The following EFCAB6 variants were observed in gnomAD, a reference collection of about 807,000 sequenced individuals.
EFCAB6 encodes the protein EF-hand calcium binding domain 6.
Under a neutral mutation model 169.8 loss-of-function variants are expected in EFCAB6, and 156 were observed. The ratio of observed to expected loss-of-function variants is 0.92; its 90% CI spans 0.81 to 1.05. EFCAB6 has a LOEUF of 1.05. Among genes scored for constraint, EFCAB6 ranks in the 50% least tolerant of loss-of-function variants. The pLI, the probability that EFCAB6 is intolerant of heterozygous loss-of-function variation, is 0.00. For missense variants in EFCAB6, 1,800 were observed against 1,829.1 expected (o/e 0.98, Z 0.29); for synonymous variants, 698 against 676.4 (o/e 1.03, Z -0.50).
At chr22:43,785,112 G>A (rs959957922) in intron 2 of EFCAB6, among the ~76,000 whole-genome samples, 2 of 152,046 alleles carry the variant, frequency 1.3e-5, no homozygotes, top group Non-Finnish European at 2.9e-5. Context: ...ATTTAATAAT[G>A]GGTAGAATAA....
intron 1 of EFCAB6, 95 bp from the exon 2 acceptor site, chr22:43,809,226 C>A (rs1408222463): frequency 6.6e-6 from 1 of 152,040 alleles, no homozygotes; most frequent in Non-Finnish European, 1.5e-5. Context: ...ATTTTATTAC[C>A]TTCTATTTTT....
At chr22:43,805,389 C>T (rs768751127) in intron 2 of EFCAB6, among the ~76,000 whole-genome samples, 17 of 152,184 alleles carry the variant, frequency 1.1e-4, no homozygotes, top group Admixed American at 5.2e-4. Flanking sequence ...TTTGTAGCAA[C>T]ATGGATAGAA....
rs187685420 is a variant in EFCAB6 at position 43,678,179 on chromosome 22, T to C, written c.1252-16A>G. On this transcript the variant is annotated splice_polypyrimidine_tract_variant and intron_variant, in intron 12 of 31. Coordinates refer to ENST00000262726, the MANE Select transcript of EFCAB6 (RefSeq NM_022785.4). ...CATCGGGTTTCTGAGCATCAGAGTG[T>C]ATATAAGGGAATTTTTGAAAAAAAA... 534 of 1,558,920 alleles carry C rather than the reference T, an allele frequency of 3.4e-4. 1 individual carries two copies. The African/African-American group carries it at 4.5e-3, about 13-fold the overall frequency.
At chr22:43,737,535 TCACA>T (rs1226474787) in intron 6 of EFCAB6, among the ~76,000 whole-genome samples, 2 of 148,442 alleles carry the variant, frequency 1.3e-5, no homozygotes, top group African/African-American at 2.5e-5. Flanking sequence ...ACACCATCAC[TCACA>T]CACACATGTA....
intron 25 of EFCAB6, among the ~76,000 whole-genome samples, chr22:43,577,451 T>C (rs1363535070): frequency 6.6e-6 from 1 of 152,196 alleles, no homozygotes; most frequent in African/African-American, 2.4e-5. Context: ...ATGTAGTTCA[T>C]GGTAACATGA....
intron 10 of EFCAB6, among the ~76,000 whole-genome samples, chr22:43,689,349 G>GCACGCACA (rs1556091658): frequency 6.8e-6 from 1 of 146,962 alleles, no homozygotes; most frequent in African/African-American, 2.6e-5. Flanking sequence ...GAGAGCACGT[G>GCACGCACA]CACACACACA....
Position 43,580,591 on chromosome 22 carries a change from T to C in EFCAB6, c.3101A>G (p.Lys1034Arg), listed in dbSNP as rs776037953. 7 of 1,614,082 alleles carry C rather than the reference T, an allele frequency of 4.3e-6. No individual in the cohort carries two copies. Among genetic ancestry groups the C allele is most frequent in the Non-Finnish European group, 5.9e-6 (7 of 1,180,044 alleles). ...LDFLRAVENS[K>R]STGAQPKEKE... ...TTCCTTGGGCTGAGCTCCTGTTGAC[T>C]TGCTGTTCTCCACTGCTCTCAGGAA... The change falls in exon 25 of 32, where the codon AAG (lysine) becomes AGG (arginine). Residue 1034 changes from lysine (K) to arginine (R), a missense_variant. By Grantham distance (26) the Lys-to-Arg change is conservative. Transcript: ENST00000262726.
intron 8 of EFCAB6, among the ~76,000 whole-genome samples, chr22:43,718,648 C>T (rs1036733209): frequency 5.3e-5 from 8 of 152,108 alleles, no homozygotes; most frequent in Non-Finnish European, 7.4e-5. Context: ...CCGGTCATTG[C>T]GGCACGCCTA....
At chr22:43,639,515 C>T (rs2055657300) in intron 17 of EFCAB6, among the ~76,000 whole-genome samples, 1 of 152,134 alleles carries the variant, frequency 6.6e-6, no homozygotes, top group South Asian at 2.1e-4. Context: ...GGTGTGAGGC[C>T]AATGGTAATT....
chr22:43,601,527 A>C (rs1303941520), intron 22 of EFCAB6, among the ~76,000 whole-genome samples: 1 of 152,218 alleles, frequency 6.6e-6, no homozygotes, highest in Non-Finnish European at 1.5e-5. Flanking sequence ...GTAGAAGTAC[A>C]ATCAGTTTTC....
intron 24 of EFCAB6, among the ~76,000 whole-genome samples, chr22:43,588,688 T>A (rs188964807): frequency 6.6e-6 from 1 of 151,896 alleles, no homozygotes; most frequent in Non-Finnish European, 1.5e-5. Flanking sequence ...ATTTAGAACA[T>A]GAAAAGGGCA....
chr22:43,637,725 T>C (rs1300921962), intron 17 of EFCAB6, among the ~76,000 whole-genome samples: 1 of 152,186 alleles, frequency 6.6e-6, no homozygotes, highest in Non-Finnish European at 1.5e-5. Flanking sequence ...CATCTGCACA[T>C]GGTCCCCGGC....
intron 6 of EFCAB6, among the ~76,000 whole-genome samples, chr22:43,753,035 T>A (rs1475196984): frequency 6.6e-6 from 1 of 152,178 alleles, no homozygotes; most frequent in African/African-American, 2.4e-5. Flanking sequence ...TTCTTGTCAG[T>A]ACCCTGAAAG....
intron 12 of EFCAB6, among the ~76,000 whole-genome samples, chr22:43,682,238 T>C (rs1209331358): frequency 6.6e-6 from 1 of 152,158 alleles, no homozygotes; most frequent in East Asian, 1.9e-4. Context: ...TGTGATACCC[T>C]AGAGTGTGAG....
intron 30 of EFCAB6, chr22:43,533,397 T>C (rs1306337195): frequency 6.6e-6 from 1 of 152,160 alleles, no homozygotes; most frequent in Non-Finnish European, 1.5e-5. Flanking sequence ...TCCAGGGCAC[T>C]GTATGACACC....
intron 4 of EFCAB6, among the ~76,000 whole-genome samples, chr22:43,771,921 G>A (rs1202394994): frequency 6.6e-6 from 1 of 152,236 alleles, no homozygotes; most frequent in Non-Finnish European, 1.5e-5. Flanking sequence ...CCCTGAGTAA[G>A]CATGGCAGGC....
At chr22:43,685,549 C>T (rs569219996) in intron 11 of EFCAB6, among the ~76,000 whole-genome samples, 9 of 152,188 alleles carry the variant, frequency 5.9e-5, no homozygotes, top group African/African-American at 1.9e-4. Flanking sequence ...GAAACTCGCT[C>T]AGTATATGAA....
At chr22:43,569,109 A>G (rs1445423850) in intron 26 of EFCAB6, among the ~76,000 whole-genome samples, 1 of 152,144 alleles carries the variant, frequency 6.6e-6, no homozygotes, top group Admixed American at 6.5e-5. Flanking sequence ...TGTCCATGCT[A>G]CTGGGAACCG....
In EFCAB6 at chr22:43,537,557, GA is replaced by G; in HGVS notation, c.3880-13del. 6.3e-7 allele frequency: 1 copy of G among 1,598,692 alleles called. No homozygotes were observed. The highest frequency in any genetic ancestry group is 1.1e-5 in the South Asian group (1 of 89,050). ...GTGCTCGCTGGAGTCTAGCAGGGAA[GA>G]AAAGAAAAGGCTCTTTTCACTTAAG... On this transcript the variant is annotated splice_polypyrimidine_tract_variant and intron_variant, in intron 28 of 31. Coordinates refer to ENST00000262726, the MANE Select transcript of EFCAB6 (RefSeq NM_022785.4). The surrounding 1 kb of genome is among the most constrained non-coding windows in gnomAD (Gnocchi z 4.3).
Sources: gnomAD v4.1 joint callset for allele counts (sites outside exome capture counted in the v4.1 genomes callset) on GRCh38, gnomAD v4.1.1 for gene constraint, Gnocchi (gnomAD v3.1) non-coding constraint, MANE v1.5 for transcripts, NCBI Gene and HGNC (gene_info 2026-07-23, HGNC 2026-07-21) for gene names.